Variants in TMEM33 observed in about 807,000 individuals in gnomAD.
TMEM33 encodes transmembrane protein 33.
Under a neutral mutation model 29.7 loss-of-function variants are expected in TMEM33, and 16 were observed. The observed-to-expected ratio is 0.54, with a 90% CI of 0.36 to 0.82. The LOEUF is 0.82. Ranked by LOEUF, TMEM33 falls within the 40% of genes least tolerant of loss-of-function variation. The pLI, the probability that TMEM33 is intolerant of heterozygous loss-of-function variation, is 0.00. For missense variants in TMEM33, 252 were observed against 295.3 expected (o/e 0.85, Z 1.08); for synonymous variants, 112 against 109.4 (o/e 1.02, Z -0.15).
intron 3 of TMEM33, among the ~76,000 whole-genome samples, chr4:41,940,840 A>G (rs1423642233): frequency 6.6e-6 from 1 of 150,640 alleles, no homozygotes; most frequent in East Asian, 1.9e-4. Flanking sequence ...AGAACTTGAC[A>G]TTTAATCTTT....
In TMEM33 at chr4:41,951,788, C is replaced by G. The variant is rs115082368; in HGVS notation, c.615-2282C>G. ...GTCTTTTAAAGAATGAGCCTGAGTTCTGACACATGGGTGCCTGAAAAGTGC... is the reference window on the plus strand; with the variant it reads ...GTCTTTTAAAGAATGAGCCTGAGTTGTGACACATGGGTGCCTGAAAAGTGC... On this transcript the variant is annotated intron_variant, in intron 6 of 6. Transcript: ENST00000504986. Among the ~76,000 whole-genome samples, 485 of 152,254 alleles carry G rather than the reference C, an allele frequency of 3.2e-3. 6 individuals are homozygous for G. Among genetic ancestry groups the G allele is most frequent in the African/African-American group, 0.011 (465 of 41,538 alleles).
At chr4:41,947,185 G>A (rs1291264118) in intron 5 of TMEM33, among the ~76,000 whole-genome samples, 1 of 150,934 alleles carries the variant, frequency 6.6e-6, no homozygotes, top group East Asian at 1.9e-4. Flanking sequence ...GCAGTGAGCC[G>A]AGATCGTGCC....
At chr4:41,935,983 TC>T (rs1471581538) in intron 1 of TMEM33, among the ~76,000 whole-genome samples, 1 of 152,246 alleles carries the variant, frequency 6.6e-6, no homozygotes, top group Non-Finnish European at 1.5e-5. Context: ...GTGGTCTTTT[TC>T]TTCTTCACTT....
chr4:41,953,902 G>A lies in TMEM33; in HGVS notation c.615-168G>A, dbSNP rs1713149033. On this transcript the variant is annotated intron_variant, in intron 6 of 6. Coordinates refer to ENST00000504986, the MANE Select transcript of TMEM33 (RefSeq NM_018126.3). ...GCAAAGTGTGACGCAGAGACATGAA[G>A]TGAGCACATGCTGTTGGAAAGTGGC... 6 of 739,164 alleles carry A rather than the reference G, an allele frequency of 8.1e-6. No homozygotes were observed. The Admixed American group carries it at 9.9e-5, about 12-fold the overall frequency. 45.8% of individuals were successfully genotyped at this position (739,164 alleles called of 1,614,324 possible).
intron 5 of TMEM33, among the ~76,000 whole-genome samples, chr4:41,947,970 T>C (rs747315625): frequency 3.9e-5 from 6 of 152,192 alleles, no homozygotes; most frequent in Non-Finnish European, 8.8e-5. Context: ...TGTTACATAA[T>C]AGTCCAAGCA....
In TMEM33 at chr4:41,954,864, T is replaced by C. The variant is rs1713193913; in HGVS notation, c.*665T>C. On this transcript the variant is annotated 3_prime_UTR_variant, in exon 7 of 7. Coordinates refer to ENST00000504986, the MANE Select transcript of TMEM33 (RefSeq NM_018126.3). Reference sequence around the variant, plus strand: ...GCCTCTTAGCCAGTTGGATAAATATTTGGGGTCACCTAGCCATTGAAAGCA... The same window carrying C: ...GCCTCTTAGCCAGTTGGATAAATATCTGGGGTCACCTAGCCATTGAAAGCA... 1 of 152,378 alleles carries C rather than the reference T, an allele frequency of 6.6e-6. No homozygotes were observed. The highest frequency in any genetic ancestry group is 6.5e-5 in the Admixed American group (1 of 15,268). 9.4% of individuals were successfully genotyped at this position (152,378 alleles called of 1,614,324 possible).
intron 4 of TMEM33, among the ~76,000 whole-genome samples, chr4:41,944,392 A>G (rs747909687): frequency 2.0e-5 from 3 of 152,192 alleles, no homozygotes; most frequent in South Asian, 2.1e-4. Context: ...CTTTATCCCT[A>G]TAATTCTTTG....
upstream of TMEM33, chr4:41,935,293 T>C (rs1321838222): frequency 1.5e-6 from 1 of 661,752 alleles, no homozygotes; most frequent in Non-Finnish European, 2.7e-6. Context: ...GTGCCCTGGA[T>C]CCAGTCGGCT....
chr4:41,948,360 T>C (rs1712885488), intron 5 of TMEM33, among the ~76,000 whole-genome samples: 1 of 152,156 alleles, frequency 6.6e-6, no homozygotes, highest in African/African-American at 2.4e-5. Context: ...ATATTTTCTA[T>C]GTTGTGTCTC....
chr4:41,949,295 AT>A lies in TMEM33; in HGVS notation c.531-4del. Reference sequence around the variant, plus strand: ...ATATTTATCACGCTTGTATTTGTTTATTTCAGTGGTCAAGGAAGTTTGCTCC... The same window carrying A: ...ATATTTATCACGCTTGTATTTGTTTATTCAGTGGTCAAGGAAGTTTGCTCC... On this transcript the variant is annotated splice_region_variant and splice_polypyrimidine_tract_variant and intron_variant, in intron 5 of 6. Coordinates refer to ENST00000504986, the MANE Select transcript of TMEM33 (RefSeq NM_018126.3). 1 of 1,594,286 alleles carries A rather than the reference AT, an allele frequency of 6.3e-7. No homozygotes were observed. Among genetic ancestry groups the A allele is most frequent in the African/African-American group, 1.3e-5 (1 of 74,192 alleles).
chr4:41,949,173 G>C, intron 5 of TMEM33, 129 bp from the exon 6 acceptor site: 1 of 540,862 alleles, frequency 1.8e-6, no homozygotes, highest in East Asian at 3.2e-5. Context: ...ATTTAGACAT[G>C]ATAGATTTCA....
At chr4:41,937,149 A>G (rs1032022623) in intron 1 of TMEM33, among the ~76,000 whole-genome samples, 2 of 152,120 alleles carry the variant, frequency 1.3e-5, no homozygotes, top group Non-Finnish European at 2.9e-5. Context: ...TATAATATAC[A>G]TAAGTGTGTA....
rs368873161 is a variant in TMEM33, at chr4:41,944,745, A to G, written c.397-48A>G. The G allele has an allele frequency of 2.9e-5, 46 of 1,596,506 alleles. No individual in the cohort carries two copies. In the African/African-American group the frequency reaches 5.0e-4, roughly 17 times the overall value. On this transcript the variant is annotated intron_variant, in intron 4 of 6. Transcript: ENST00000504986. Reference sequence around the variant, plus strand: ...TTACCTACAGAAAGAAAATATTGTTATCAGAAATGCTTCACTTATTTCTAA... The same window carrying G: ...TTACCTACAGAAAGAAAATATTGTTGTCAGAAATGCTTCACTTATTTCTAA...
chr4:41,950,188 T>G (rs1364621486), intron 6 of TMEM33, among the ~76,000 whole-genome samples: 1 of 152,090 alleles, frequency 6.6e-6, no homozygotes, highest in Non-Finnish European at 1.5e-5. Context: ...TTACTGTAGT[T>G]TTCAGGAATG....
At position 41,956,905 on chromosome 4, in the gene TMEM33, A is replaced by G. The variant is rs1467485908; in HGVS notation, c.*2706A>G. On this transcript the variant is annotated 3_prime_UTR_variant, in exon 7 of 7. Coordinates refer to ENST00000504986, the MANE Select transcript of TMEM33 (RefSeq NM_018126.3). ...AATATCTACAACCGGCTGATTTGGA[A>G]TTTGAAATTATAGTGTTACATGTAT... 6.6e-6 allele frequency: 1 copy of G among 152,210 alleles called. No individual in the cohort carries two copies. Among genetic ancestry groups the G allele is most frequent in the Non-Finnish European group, 1.5e-5 (1 of 68,008 alleles). The allele number at this position is 152,210 out of a possible 1,614,324, so 9.4% of individuals were successfully genotyped here.
At chr4:41,939,503 T>C (rs776632850) in intron 3 of TMEM33, 120 bp downstream of exon 3, 179 of 1,000,418 alleles carry the variant, frequency 1.8e-4, no homozygotes, top group Non-Finnish European at 2.4e-4. Context: ...GCACTTCATT[T>C]GAATGAAGAT....
rs2153128396 is a variant in TMEM33 at position 41,956,418 on chromosome 4, A to T, written c.*2219A>T. On this transcript the variant is annotated 3_prime_UTR_variant, in exon 7 of 7. Transcript: ENST00000504986. ...CCAGAACAATACTACTAACTGAAGT[A>T]TAAAACTTATTTGAATTTCAACAGT... 6.6e-6 allele frequency: 1 copy of T among 152,334 alleles called. No individual in the cohort carries two copies. Among genetic ancestry groups the T allele is most frequent in the South Asian group, 2.1e-4 (1 of 4,826 alleles). 9.4% of individuals were successfully genotyped at this position (152,334 alleles called of 1,614,324 possible). A position where few individuals can be genotyped will look rare whatever the true frequency, so the allele number is the denominator to read the frequency against.
intron 6 of TMEM33, among the ~76,000 whole-genome samples, chr4:41,953,318 A>C (rs1027215213): frequency 1.3e-5 from 2 of 152,256 alleles, no homozygotes; most frequent in Non-Finnish European, 2.9e-5. Context: ...CAAAGCTGTC[A>C]GATGAATTTT....
intron 3 of TMEM33, among the ~76,000 whole-genome samples, chr4:41,940,046 CTTTTTTTTTTT>C (rs71650953): frequency 8.6e-5 from 7 of 81,366 alleles, no homozygotes; most frequent in Admixed American, 1.6e-4. Flanking sequence ...GTTAAACTTT[CTTTTTTTTTTT>C]TTTTTTTTTT....
Sources: allele counts gnomAD v4.1 joint callset (sites outside exome capture counted in the v4.1 genomes callset), GRCh38; gene constraint gnomAD v4.1.1; transcripts MANE v1.5; gene names NCBI Gene and HGNC (gene_info 2026-07-23, HGNC 2026-07-21).